Variants in TAB1 observed in about 807,000 individuals in gnomAD.
TAB1 encodes TGF-beta activated kinase 1 (MAP3K7) binding protein 1.
TAB1 carries 30 observed loss-of-function variants against 54.5 expected under a neutral mutation model. That is an observed-to-expected ratio of 0.55 (90% CI 0.41 to 0.75). TAB1 has a LOEUF of 0.75. Ranked by LOEUF, TAB1 falls within the 30% of genes least tolerant of loss-of-function variation. TAB1 has a pLI of 0.00. For synonymous variants in TAB1, 289 were observed against 286.9 expected (o/e 1.01, Z -0.07); for missense variants, 609 against 683.2 (o/e 0.89, Z 1.21).
intron 1 of TAB1, among the ~76,000 whole-genome samples, chr22:39,403,311 G>A (rs531198084): frequency 2.6e-5 from 4 of 152,358 alleles, no homozygotes; most frequent in African/African-American, 9.6e-5. Context: ...AGAATGTTGG[G>A]GGTGCCATTT....
At position 39,421,853 on chromosome 22, in the gene TAB1, C is replaced by A. The variant is rs1435003708; in HGVS notation, c.803C>A (p.Ala268Glu). The A allele has an allele frequency of 1.2e-6, 2 of 1,614,152 alleles. No individual in the cohort carries two copies. Among genetic ancestry groups the A allele is most frequent in the South Asian group, 1.1e-5 (1 of 91,078 alleles). Reference sequence around the variant, plus strand: ...GCTGCCAAGTCCAAACCAATCATCGCAGAGCCAGAAATCCATGGGGCACAG... The same window carrying A: ...GCTGCCAAGTCCAAACCAATCATCGAAGAGCCAGAAATCCATGGGGCACAG... Reference protein sequence around the residue: ...LSAAKSKPIIAEPEIHGAQPL... With the variant: ...LSAAKSKPIIEEPEIHGAQPL... The change falls in exon 8 of 11, where the codon GCA becomes GAA. Residue 268 changes from alanine to glutamate, a missense_variant. Coordinates refer to ENST00000216160, the MANE Select transcript of TAB1 (RefSeq NM_006116.3).
intron 1 of TAB1, among the ~76,000 whole-genome samples, chr22:39,406,003 A>G (rs967968110): frequency 3.9e-5 from 6 of 152,182 alleles, no homozygotes; most frequent in Non-Finnish European, 8.8e-5. Context: ...TGTTTTGTCT[A>G]TTGCTCAGAA....
downstream of TAB1, among the ~76,000 whole-genome samples, chr22:39,435,359 C>T (rs984706194): frequency 3.9e-5 from 6 of 152,098 alleles, no homozygotes; most frequent in Admixed American, 6.5e-5. Context: ...AGCAGGTCCC[C>T]GGCTGCCGGG....
chr22:39,420,521 G>C (rs1444999602), intron 7 of TAB1, among the ~76,000 whole-genome samples: 1 of 152,174 alleles, frequency 6.6e-6, no homozygotes, highest in Non-Finnish European at 1.5e-5. Context: ...GAAAGTGCAT[G>C]TTAGAACTCC....
intron 3 of TAB1, among the ~76,000 whole-genome samples, chr22:39,416,539 G>A (rs977433467): frequency 3.9e-5 from 6 of 152,224 alleles, no homozygotes; most frequent in Non-Finnish European, 5.9e-5. Context: ...CCTCCCAGCC[G>A]TCTGCAGTGC....
chr22:39,432,213 G>A (rs1927613523), downstream of TAB1, among the ~76,000 whole-genome samples: 3 of 152,236 alleles, frequency 2.0e-5, no homozygotes. Flanking sequence ...TCTGCTGAGA[G>A]TGAGCCTAGG....
rs1926974679 is a variant in TAB1, at chr22:39,419,404, A to G, written c.665-115A>G. ...TCCCAGGTGCCCTGGTGTTGTCTTC[A>G]TTTCCTATTCAGTGGGTCCTTATTG... On this transcript the variant is annotated intron_variant, in intron 6 of 10. Coordinates refer to ENST00000216160, the MANE Select transcript of TAB1 (RefSeq NM_006116.3). 17 of 836,496 alleles carry G rather than the reference A, an allele frequency of 2.0e-5. No homozygotes were observed. In the East Asian group the frequency reaches 4.7e-4, roughly 23 times the overall value. The allele number at this position is 836,496 out of a possible 1,614,324, so 51.8% of individuals were successfully genotyped here. A position where few individuals can be genotyped will look rare whatever the true frequency, so the allele number is the denominator to read the frequency against.
At chr22:39,400,894 C>T (rs1158474614) in intron 1 of TAB1, among the ~76,000 whole-genome samples, 2 of 151,736 alleles carry the variant, frequency 1.3e-5, no homozygotes, top group East Asian at 1.9e-4. Context: ...ATTAGCCGAG[C>T]GTGGTGGGGG....
At position 39,415,216 on chromosome 22, in the gene TAB1, G is replaced by A. The variant is rs1028428340; in HGVS notation, c.170+74G>A. The A allele has an allele frequency of 2.0e-6, 3 of 1,506,132 alleles. No homozygotes were observed. The highest frequency in any genetic ancestry group is 2.7e-6 in the Non-Finnish European group (3 of 1,121,548). The allele number at this position is 1,506,132 out of a possible 1,614,324, so 93.3% of individuals were successfully genotyped here. ...GCAAGCAAGGAAAGACACCGACCTT[G>A]CAGCTTTCTCGTATGGGCTTGCCAG... On this transcript the variant is annotated intron_variant, in intron 2 of 10. Coordinates refer to ENST00000216160, the MANE Select transcript of TAB1 (RefSeq NM_006116.3). The surrounding 1 kb of genome is among the most constrained non-coding windows in gnomAD (Gnocchi z 4.9).
At chr22:39,403,861 G>T (rs1360427374) in intron 1 of TAB1, among the ~76,000 whole-genome samples, 1 of 151,886 alleles carries the variant, frequency 6.6e-6, no homozygotes, top group Non-Finnish European at 1.5e-5. Flanking sequence ...AGCCAGGATG[G>T]TCTCGATCTC....
intron 8 of TAB1, among the ~76,000 whole-genome samples, chr22:39,423,034 G>T (rs1029309287): frequency 6.7e-6 from 1 of 149,722 alleles, no homozygotes. Context: ...GTGCAGTGGC[G>T]TGATCACGGG....
intron 1 of TAB1, among the ~76,000 whole-genome samples, chr22:39,412,200 C>T (rs142369943): frequency 5.5e-4 from 84 of 152,144 alleles, no homozygotes; most frequent in Middle Eastern, 3.4e-3. Context: ...CCACCACGCC[C>T]GGCTGATTTT....
intron 1 of TAB1, among the ~76,000 whole-genome samples, chr22:39,406,397 C>CAAA (rs11290078): frequency 5.4e-5 from 4 of 73,766 alleles, no homozygotes; most frequent in Admixed American, 1.5e-4. Flanking sequence ...AGACTGTCAC[C>CAAA]AAAAAAAAAA....
At chr22:39,410,388 G>A (rs1441157365) in intron 1 of TAB1, among the ~76,000 whole-genome samples, 4 of 152,176 alleles carry the variant, frequency 2.6e-5, no homozygotes, top group South Asian at 2.1e-4. Flanking sequence ...GATTACAGGC[G>A]TGAGCCACTG....
chr22:39,422,048 G>A, intron 8 of TAB1, 77 bp downstream of exon 8: 1 of 1,312,328 alleles, frequency 7.6e-7, no homozygotes, highest in South Asian at 1.6e-5. Flanking sequence ...CTGCCTTCTA[G>A]CACTGTGATT....
At position 39,430,402 on chromosome 22, in the gene TAB1, C is replaced by T. The variant is rs1011881447; in HGVS notation, c.*180C>T. The T allele has an allele frequency of 5.6e-6, 8 of 1,439,938 alleles. No individual in the cohort carries two copies. In the African/African-American group the frequency reaches 1.1e-4, roughly 20 times the overall value. 89.2% of individuals were successfully genotyped at this position (1,439,938 alleles called of 1,614,324 possible). ...GTGAGTGCAGACTGGACCTGTGGTT[C>T]ATACCTTGTCACCACCCGGGAAGCT... On this transcript the variant is annotated 3_prime_UTR_variant, in exon 11 of 11. Coordinates refer to ENST00000216160, the MANE Select transcript of TAB1 (RefSeq NM_006116.3).
chr22:39,418,764 G>A lies in TAB1; in HGVS notation c.583G>A (p.Val195Met). 6.2e-7 allele frequency: 1 copy of A among 1,614,202 alleles called. No individual in the cohort carries two copies. The highest frequency in any genetic ancestry group is 8.5e-7 in the Non-Finnish European group (1 of 1,180,016). The change falls in exon 6 of 11, where the codon GTG (valine) becomes ATG (methionine). Residue 195 changes from valine (V) to methionine (M), a missense_variant. By Grantham distance (21) the Val-to-Met change is conservative. Coordinates refer to ENST00000216160, the MANE Select transcript of TAB1 (RefSeq NM_006116.3). ...TNRALLCKSTVDGLQVTQLNV... is the reference protein window; with the variant it reads ...TNRALLCKSTMDGLQVTQLNV... ...CCGTGCACTTTTATGCAAATCGACA[G>A]TGGATGGGTTGCAGGTGACACAGCT...
chr22:39,401,867 C>T (rs1926159157), intron 1 of TAB1, among the ~76,000 whole-genome samples: 1 of 152,108 alleles, frequency 6.6e-6, no homozygotes, highest in African/African-American at 2.4e-5. Context: ...TGTCTCAAGT[C>T]TGGGGAGAAC....
At chr22:39,401,876 ACAACT>A (rs1926159969) in intron 1 of TAB1, among the ~76,000 whole-genome samples, 1 of 152,160 alleles carries the variant, frequency 6.6e-6, no homozygotes, top group South Asian at 2.1e-4. Context: ...TCTGGGGAGA[ACAACT>A]CAGCTCAGAC....
Sources: gnomAD v4.1 joint callset for allele counts (sites outside exome capture counted in the v4.1 genomes callset) on GRCh38, gnomAD v4.1.1 for gene constraint, Gnocchi (gnomAD v3.1) non-coding constraint, MANE v1.5 for transcripts, NCBI Gene and HGNC (gene_info 2026-07-23, HGNC 2026-07-21) for gene names.